SNX1: variants seen among roughly 807,000 people sequenced by gnomAD.
The protein encoded by SNX1 is sorting nexin 1.
SNX1 carries 36 observed loss-of-function variants against 71.8 expected under a neutral mutation model. The ratio of observed to expected loss-of-function variants is 0.50; its 90% CI spans 0.38 to 0.66. SNX1 has a LOEUF of 0.66. Among genes scored for constraint, SNX1 ranks in the 30% least tolerant of loss-of-function variants. The pLI is 0.00. For missense variants in SNX1, 612 were observed against 646.7 expected (o/e 0.95, Z 0.58); for synonymous variants, 254 against 240.7 (o/e 1.06, Z -0.51).
intron 13 of SNX1, 45 bp from the exon 14 acceptor site, chr15:64,136,816 G>T: frequency 6.7e-7 from 1 of 1,502,808 alleles, no homozygotes; most frequent in South Asian, 1.1e-5. Flanking sequence ...CCCATCGAAA[G>T]GGAAAGCAAA....
chr15:64,127,970 A>G (rs2081271080), intron 8 of SNX1, among the ~76,000 whole-genome samples, 164 bp downstream of exon 8: 1 of 152,226 alleles, frequency 6.6e-6, no homozygotes, highest in African/African-American at 2.4e-5. Context: ...AGCCTTTGAA[A>G]TAAAAGAAGC....
In SNX1 at chr15:64,142,342, C is replaced by G; in HGVS notation, c.*4724C>G. 4.4e-6 allele frequency: 1 copy of G among 228,610 alleles called. No homozygotes were observed. The allele number at this position is 228,610 out of a possible 1,614,324, so 14.2% of individuals were successfully genotyped here. ...GATCTTGTCTCAAAAAAAAAAGCAG[C>G]TCTGGATGGGAAGGGAGGCCAGTTG... On this transcript the variant is annotated 3_prime_UTR_variant, in exon 15 of 15. Transcript: ENST00000559844.
intron 2 of SNX1, among the ~76,000 whole-genome samples, chr15:64,113,997 G>T (rs2081104629): frequency 6.6e-6 from 1 of 152,218 alleles, no homozygotes; most frequent in Non-Finnish European, 1.5e-5. Context: ...TCTTGGAGAA[G>T]TCATGGAAGA....
chr15:64,107,536 G>T (rs1203260970), intron 1 of SNX1, among the ~76,000 whole-genome samples: 1 of 152,164 alleles, frequency 6.6e-6, no homozygotes, highest in East Asian at 1.9e-4. Flanking sequence ...AGAAATACCT[G>T]CTCTTAACAA....
intron 6 of SNX1, among the ~76,000 whole-genome samples, chr15:64,126,540 T>C (rs953607229): frequency 3.9e-5 from 6 of 152,044 alleles, no homozygotes; most frequent in Non-Finnish European, 7.4e-5. Context: ...GGAAGAAACC[T>C]CTTCATTTTG....
intron 2 of SNX1, 151 bp downstream of exon 2, chr15:64,112,835 A>C (rs1031233383): frequency 1.9e-6 from 1 of 533,904 alleles, no homozygotes; most frequent in Non-Finnish European, 3.3e-6. Context: ...CATGAAATAC[A>C]GGCCCTGCCA....
chr15:64,100,328 G>A (rs372545198), intron 1 of SNX1, among the ~76,000 whole-genome samples: 4 of 152,122 alleles, frequency 2.6e-5, no homozygotes, highest in Non-Finnish European at 4.4e-5. Context: ...TTGGCCAGGC[G>A]CAGTGGCTCA....
At chr15:64,120,864 A>T (rs957787252) in intron 4 of SNX1, among the ~76,000 whole-genome samples, 1 of 151,996 alleles carries the variant, frequency 6.6e-6, no homozygotes, top group Non-Finnish European at 1.5e-5. Context: ...ATTTTTTTTT[A>T]ATTTGAACTG....
chr15:64,096,705 A>T (rs1299394948), intron 1 of SNX1, among the ~76,000 whole-genome samples: 1 of 152,176 alleles, frequency 6.6e-6, no homozygotes, highest in African/African-American at 2.4e-5. Flanking sequence ...TCTGATCTCT[A>T]GGAAAATCAG....
intron 1 of SNX1, 105 bp from the exon 2 acceptor site, chr15:64,112,468 T>G: frequency 1.6e-6 from 1 of 643,198 alleles, no homozygotes. Flanking sequence ...CTTATTGAAC[T>G]GGCTGACTGG....
At position 64,141,009 on chromosome 15, in the gene SNX1, A is replaced by G. The variant is rs1030633901; in HGVS notation, c.*3391A>G. 2.8e-4 allele frequency: 42 copies of G among 150,738 alleles called. No individual in the cohort carries two copies. Among genetic ancestry groups the G allele is most frequent in the Non-Finnish European group, 5.3e-4 (36 of 68,022 alleles). 9.3% of individuals were successfully genotyped at this position (150,738 alleles called of 1,614,324 possible). ...GATAGATAGATAGATAGATAGATAGATAGATAGATAGATAGATGATAGATA... is the reference window on the plus strand; with the variant it reads ...GATAGATAGATAGATAGATAGATAGGTAGATAGATAGATAGATGATAGATA... On this transcript the variant is annotated 3_prime_UTR_variant, in exon 15 of 15. Coordinates refer to ENST00000559844, the MANE Select transcript of SNX1 (RefSeq NM_003099.5). The surrounding 1 kb of genome is among the most constrained non-coding windows in gnomAD (Gnocchi z 5.1).
intron 1 of SNX1, among the ~76,000 whole-genome samples, chr15:64,097,453 T>G (rs745969543): frequency 1.4e-3 from 209 of 152,058 alleles, no homozygotes; most frequent in Non-Finnish European, 2.5e-3. Flanking sequence ...TGGTGTTTTC[T>G]CTTTTAGAAA....
chr15:64,101,505 C>G (rs1313695701), intron 1 of SNX1, among the ~76,000 whole-genome samples: 1 of 152,152 alleles, frequency 6.6e-6, no homozygotes, highest in Non-Finnish European at 1.5e-5. Flanking sequence ...TATTTATCTG[C>G]CAGTGGACAT....
intron 1 of SNX1, among the ~76,000 whole-genome samples, chr15:64,099,086 G>T (rs771719309): frequency 6.6e-6 from 1 of 152,190 alleles, no homozygotes; most frequent in Non-Finnish European, 1.5e-5. Flanking sequence ...AGCCAAAGAA[G>T]ATAGAGGATT....
At chr15:64,103,722 G>A (rs1343138574) in intron 1 of SNX1, among the ~76,000 whole-genome samples, 2 of 152,090 alleles carry the variant, frequency 1.3e-5, no homozygotes, top group African/African-American at 2.4e-5. Flanking sequence ...GGTTAATCTG[G>A]CTAATACTTT....
At position 64,119,112 on chromosome 15, in the gene SNX1, T is replaced by G. The variant is rs573547341; in HGVS notation, c.466+258T>G. On this transcript the variant is annotated intron_variant, in intron 4 of 14. Coordinates refer to ENST00000559844, the MANE Select transcript of SNX1 (RefSeq NM_003099.5). ...TACTACTAGAATCCCTTTTTATTTT[T>G]ATTCTTTTGGTTTTTTGTTTTTTAG... Among the ~76,000 whole-genome samples the G allele has an allele frequency of 1.1e-4, 16 of 152,232 alleles. 1 individual carries two copies. In the South Asian group the frequency reaches 3.3e-3, roughly 32 times the overall value.
chr15:64,112,463 T>G, intron 1 of SNX1, 110 bp from the exon 2 acceptor site: 1 of 629,618 alleles, frequency 1.6e-6, no homozygotes, highest in South Asian at 2.2e-5. Flanking sequence ...TGCTGCTTAT[T>G]GAACTGGCTG....
In SNX1 at chr15:64,096,047, G is replaced by GAGAGACTGCCTCCGCCCTTCCC; in HGVS notation, c.35_56dup (p.Gly20GlufsTer43). On this transcript the variant is annotated frameshift_variant, in exon 1 of 15. Coordinates refer to ENST00000559844, the MANE Select transcript of SNX1 (RefSeq NM_003099.5). LOFTEE classifies it high-confidence loss of function. Reference sequence around the variant, plus strand: ...GGGTGGTGGTGGCTGTAGCGCTTCGGAGAGACTGCCTCCGCCCTTCCCCGG... The same window carrying GAGAGACTGCCTCCGCCCTTCCC: ...GGGTGGTGGTGGCTGTAGCGCTTCGGAGAGACTGCCTCCGCCCTTCCCAGAGACTGCCTCCGCCCTTCCCCGG... 2 of 1,593,418 alleles carry GAGAGACTGCCTCCGCCCTTCCC rather than the reference G, an allele frequency of 1.3e-6. No homozygotes were observed. The highest frequency in any genetic ancestry group is 1.7e-6 in the Non-Finnish European group (2 of 1,173,974).
Position 64,134,825 on chromosome 15 carries a change from G to C in SNX1, c.1365+18G>C. The C allele has an allele frequency of 1.9e-6, 3 of 1,613,258 alleles. No individual in the cohort carries two copies. The highest frequency in any genetic ancestry group is 2.5e-6 in the Non-Finnish European group (3 of 1,179,786). ...TCCTCGAGGTGAGTCCACTGAGGCA[G>C]CCCAGCCAGGGGTGTTCTGCTGGTT... On this transcript the variant is annotated intron_variant, in intron 12 of 14. Transcript: ENST00000559844. The surrounding 1 kb of genome is among the most constrained non-coding windows in gnomAD (Gnocchi z 4.1).
Sources: gnomAD v4.1 joint callset for allele counts (sites outside exome capture counted in the v4.1 genomes callset) on GRCh38, gnomAD v4.1.1 for gene constraint, Gnocchi (gnomAD v3.1) non-coding constraint, MANE v1.5 for transcripts, NCBI Gene and HGNC (gene_info 2026-07-23, HGNC 2026-07-21) for gene names.